Variants in PITPNC1 observed in about 807,000 individuals in gnomAD.
PITPNC1 encodes the protein phosphatidylinositol transfer protein cytoplasmic 1, also known as cytoplasmic phosphatidylinositol transfer protein 1.
In PITPNC1, 18 loss-of-function variants were observed where a neutral mutation model predicts 44.7. That is an observed-to-expected ratio of 0.40 (90% CI 0.28 to 0.60). The LOEUF is 0.60. PITPNC1 is among the 20% of genes least tolerant of loss of function. The pLI, the probability that PITPNC1 is intolerant of heterozygous loss-of-function variation, is 0.39. For synonymous variants in PITPNC1, 141 were observed against 149.6 expected (o/e 0.94, Z 0.42); for missense variants, 290 against 418.4 (o/e 0.69, Z 2.68).
At chr17:67,623,587 T>TCC (rs2041860575) in intron 5 of PITPNC1, among the ~76,000 whole-genome samples, 1 of 152,172 alleles carries the variant, frequency 6.6e-6, no homozygotes, top group East Asian at 1.9e-4. Context: ...TTTCATCATG[T>TCC]TGACCAGGCT....
chr17:67,407,012 C>G (rs539374152), intron 1 of PITPNC1, among the ~76,000 whole-genome samples: 1 of 152,176 alleles, frequency 6.6e-6, no homozygotes, highest in African/African-American at 2.4e-5. Flanking sequence ...GCTTTCAGTT[C>G]TTTGGGATAT....
intron 1 of PITPNC1, among the ~76,000 whole-genome samples, chr17:67,528,202 C>T (rs1270615070): frequency 3.9e-5 from 6 of 152,176 alleles, no homozygotes; most frequent in Non-Finnish European, 4.4e-5. Flanking sequence ...CCACCACATC[C>T]GGCTAATTTT....
rs1567757487 is a variant in PITPNC1, at chr17:67,647,463, G to GTTTTT, written c.462+15225_462+15226insTTTTT. 3.1e-3 allele frequency among the ~76,000 whole-genome samples: 279 copies of GTTTTT among 90,586 alleles called. 21 individuals carry two copies. The highest frequency in any genetic ancestry group is 0.013 in the African/African-American group (255 of 19,922). The allele number at this position is 90,586 out of a possible 152,430, so 59.4% of individuals were successfully genotyped here. A position where few individuals can be genotyped will look rare whatever the true frequency, so the allele number is the denominator to read the frequency against. ...ACACCATCACACCCAGCTAATTTTG[G>GTTTTT]GTTTTTTTTTTTTTTTTTTTTTTTT... is the stretch of plus-strand genomic sequence containing the variant. On this transcript the variant is annotated intron_variant, in intron 6 of 8. Coordinates refer to ENST00000581322, the MANE Select transcript of PITPNC1 (RefSeq NM_012417.4).
At chr17:67,685,649 TG>T (rs2042801443) in intron 8 of PITPNC1, among the ~76,000 whole-genome samples, 1 of 152,192 alleles carries the variant, frequency 6.6e-6, no homozygotes, top group African/African-American at 2.4e-5. Flanking sequence ...AGTTCCGCTC[TG>T]CCAAGAGAGT....
chr17:67,631,804 AGGT>A (rs929442080), intron 5 of PITPNC1, among the ~76,000 whole-genome samples: 20 of 150,154 alleles, frequency 1.3e-4, no homozygotes, highest in Admixed American at 1.1e-3. Flanking sequence ...CCTCCTGTTC[AGGT>A]GAACTGCCAA....
At chr17:67,534,551 T>C (rs778392248) in intron 2 of PITPNC1, among the ~76,000 whole-genome samples, 2 of 151,584 alleles carry the variant, frequency 1.3e-5, no homozygotes, top group Non-Finnish European at 2.9e-5. Flanking sequence ...GGTGGGAGGA[T>C]CGCTTGAGCC....
intron 6 of PITPNC1, among the ~76,000 whole-genome samples, chr17:67,641,783 AAATAATAATAAT>A (rs151024440): frequency 2.4e-4 from 32 of 135,918 alleles, no homozygotes; most frequent in East Asian, 6.4e-4. Context: ...CCCTACCTCA[AAATAATAATAAT>A]AATAATAATA....
intron 5 of PITPNC1, among the ~76,000 whole-genome samples, chr17:67,601,043 T>G (rs778993210): frequency 2.6e-5 from 4 of 152,066 alleles, no homozygotes; most frequent in Non-Finnish European, 4.4e-5. Context: ...GTGAGTAAAC[T>G]GGAAAAGAGA....
chr17:67,412,236 A>T (rs1598629881), intron 1 of PITPNC1, among the ~76,000 whole-genome samples: 1 of 152,168 alleles, frequency 6.6e-6, no homozygotes, highest in East Asian at 1.9e-4. Context: ...TGAGCACAGG[A>T]CTTGGCCTGG....
At position 67,456,067 on chromosome 17, in the gene PITPNC1, TATC is replaced by T. The variant is rs147325118; in HGVS notation, c.49-76731_49-76729del. Among the ~76,000 whole-genome samples the T allele has an allele frequency of 9.5e-3, 1,443 of 152,346 alleles. 24 individuals carry two copies. The highest frequency in any genetic ancestry group is 0.032 in the African/African-American group (1,350 of 41,572). ...CCAGATTCAAAAACAAGTCTATTAT[TATC>T]ATCCCATTTTACAAGTGAGGAAACT... On this transcript the variant is annotated intron_variant, in intron 1 of 8. Coordinates refer to ENST00000581322, the MANE Select transcript of PITPNC1 (RefSeq NM_012417.4).
At chr17:67,669,741 A>C (rs984773103) in intron 7 of PITPNC1, 78 bp downstream of exon 7, 57 of 1,025,568 alleles carry the variant, frequency 5.6e-5, no homozygotes, top group Non-Finnish European at 7.5e-5. Context: ...CATGATACAC[A>C]ACAGGTGCAC....
chr17:67,557,068 AGAC>A (rs2040847130), intron 4 of PITPNC1, among the ~76,000 whole-genome samples: 1 of 152,176 alleles, frequency 6.6e-6, no homozygotes, highest in South Asian at 2.1e-4. Context: ...GAAACACCAC[AGAC>A]TTGGGGGCTT....
chr17:67,430,015 C>G (rs988135016), intron 1 of PITPNC1, among the ~76,000 whole-genome samples: 28 of 152,180 alleles, frequency 1.8e-4, no homozygotes, highest in African/African-American at 6.5e-4. Flanking sequence ...TGCTTTGAAA[C>G]AACACAATTT....
intron 1 of PITPNC1, among the ~76,000 whole-genome samples, chr17:67,481,384 G>A (rs1045802514): frequency 6.6e-6 from 1 of 152,252 alleles, no homozygotes; most frequent in African/African-American, 2.4e-5. Flanking sequence ...CAGCTGCAAA[G>A]CAGGCTGGGA....
chr17:67,455,332 C>T (rs2039239853), intron 1 of PITPNC1, among the ~76,000 whole-genome samples: 1 of 152,194 alleles, frequency 6.6e-6, no homozygotes. Flanking sequence ...AGACTGAACT[C>T]AGCAATAACC....
chr17:67,524,410 A>C (rs1256462606), intron 1 of PITPNC1: 2 of 151,890 alleles, frequency 1.3e-5, no homozygotes, highest in Non-Finnish European at 2.9e-5. Flanking sequence ...ATACCTCTGC[A>C]CTCCAGCCTG....
intron 6 of PITPNC1, among the ~76,000 whole-genome samples, chr17:67,664,411 T>C (rs1439514109): frequency 2.0e-5 from 3 of 152,234 alleles, no homozygotes; most frequent in Non-Finnish European, 4.4e-5. Flanking sequence ...TGGACTAATT[T>C]ACCCTCCCAC....
At chr17:67,382,733 T>A (rs1166936609) in intron 1 of PITPNC1, among the ~76,000 whole-genome samples, 1 of 152,008 alleles carries the variant, frequency 6.6e-6, no homozygotes, top group Admixed American at 6.6e-5. Flanking sequence ...CAAGCAAGTC[T>A]CCTGCCTCAG....
intron 4 of PITPNC1, among the ~76,000 whole-genome samples, chr17:67,559,169 C>A (rs1467185385): frequency 6.6e-6 from 1 of 152,210 alleles, no homozygotes; most frequent in African/African-American, 2.4e-5. Context: ...TTAAGCCTTT[C>A]TTCCCCGCAC....
Sources: gnomAD v4.1 joint callset for allele counts (sites outside exome capture counted in the v4.1 genomes callset) on GRCh38, gnomAD v4.1.1 for gene constraint, MANE v1.5 for transcripts, NCBI Gene and HGNC (gene_info 2026-07-23, HGNC 2026-07-21) for gene names.